Variants in AP2A2 observed in about 807,000 individuals in gnomAD.
AP2A2 encodes the protein adaptor related protein complex 2 subunit alpha 2.
In AP2A2, 32 loss-of-function variants were observed where a neutral mutation model predicts 104.2. The ratio of observed to expected loss-of-function variants is 0.31; its 90% CI spans 0.23 to 0.41. The LOEUF (loss-of-function observed/expected upper bound fraction) is 0.41. Ranked by LOEUF, AP2A2 falls within the 10% of genes least tolerant of loss-of-function variation. AP2A2 has a pLI of 1.00. For missense variants in AP2A2, 912 were observed against 1,261.0 expected, an observed-to-expected ratio of 0.72 and a Z score of 4.19; for synonymous variants, 539 against 533.3, an observed-to-expected ratio of 1.01 and a Z score of -0.15.
chr11:977,271 T>C (rs942013932), intron 5 of AP2A2, 47 bp downstream of exon 5: 1 of 1,539,264 alleles, frequency 6.5e-7, no homozygotes, highest in Non-Finnish European at 8.8e-7. Context: ...AGGTGACCTT[T>C]GGGATGGCCG....
At chr11:946,086 G>T (rs1444058455) in intron 1 of AP2A2, among the ~76,000 whole-genome samples, 1 of 152,190 alleles carries the variant, frequency 6.6e-6, no homozygotes, top group East Asian at 1.9e-4. Flanking sequence ...CATAAAAGCA[G>T]TGAAAACACT....
intron 15 of AP2A2, among the ~76,000 whole-genome samples, chr11:1,001,003 CT>C (rs1856013422): frequency 6.6e-6 from 1 of 152,224 alleles, no homozygotes; most frequent in Non-Finnish European, 1.5e-5. Flanking sequence ...CTTAAGCCGT[CT>C]TGTCTGTGTC....
At chr11:926,112 G>T (rs1853110593) in intron 1 of AP2A2, 24 bp downstream of exon 1, 1 of 1,256,744 alleles carries the variant, frequency 8.0e-7, no homozygotes, top group Non-Finnish European at 1.0e-6. Flanking sequence ...GCGGCGTGGG[G>T]CCGGGGCCGG....
chr11:1,009,256 G>A (rs895781650), intron 19 of AP2A2, 40 bp downstream of exon 19: 40 of 1,608,702 alleles, frequency 2.5e-5, no homozygotes, highest in African/African-American at 6.7e-5. Flanking sequence ...GGGTGGGGAC[G>A]GGGCTCATTT....
intron 9 of AP2A2, among the ~76,000 whole-genome samples, chr11:987,981 GTGTT>G (rs967520250): frequency 4.6e-5 from 7 of 152,282 alleles, no homozygotes; most frequent in African/African-American, 1.7e-4. Flanking sequence ...CCTGGTTTTG[GTGTT>G]TGTTTTAGTC....
At chr11:998,970 G>A (rs1379556377) in intron 14 of AP2A2, among the ~76,000 whole-genome samples, 2 of 152,174 alleles carry the variant, frequency 1.3e-5, no homozygotes, top group Non-Finnish European at 1.5e-5. Context: ...GGGATTACAG[G>A]TGTGAGCCAC....
At chr11:927,164 TC>T (rs1354762114) in intron 1 of AP2A2, among the ~76,000 whole-genome samples, 6 of 152,104 alleles carry the variant, frequency 3.9e-5, no homozygotes, top group Non-Finnish European at 7.4e-5. Flanking sequence ...CCTCAAGTGA[TC>T]CTACCACCTC....
chr11:930,122 A>G (rs1453215712), intron 1 of AP2A2, among the ~76,000 whole-genome samples: 4 of 121,110 alleles, frequency 3.3e-5, no homozygotes, highest in Non-Finnish European at 5.4e-5. Flanking sequence ...CTCTGTCTCA[A>G]AAAAAAAAAA....
intron 1 of AP2A2, among the ~76,000 whole-genome samples, chr11:939,635 G>A (rs1853577541): frequency 6.6e-6 from 1 of 152,010 alleles, no homozygotes; most frequent in Admixed American, 6.6e-5. Context: ...ATTAGAGACG[G>A]AGTTTCACCA....
chr11:971,749 G>A (rs889536184), intron 3 of AP2A2, among the ~76,000 whole-genome samples: 4 of 152,198 alleles, frequency 2.6e-5, no homozygotes, highest in Non-Finnish European at 4.4e-5. Flanking sequence ...ACACTCAGAC[G>A]CGTGGCCCAC....
intron 2 of AP2A2, among the ~76,000 whole-genome samples, chr11:961,633 T>C (rs1384547404): frequency 1.9e-3 from 96 of 49,488 alleles, no homozygotes; most frequent in Admixed American, 3.7e-3. Flanking sequence ...CTGACAGAGT[T>C]GCCACCAGTG....
chr11:962,732 C>CA lies in AP2A2; in HGVS notation c.136+3240dup, dbSNP rs879698220. On this transcript the variant is annotated intron_variant, in intron 2 of 21. Coordinates refer to ENST00000448903, the MANE Select transcript of AP2A2 (RefSeq NM_012305.4). ...TGGGAGACACAGCAAGACTCTGTCT[C>CA]AAAAAAAAAAAAATTTTGTTTTATA... is the stretch of plus-strand genomic sequence containing the variant. 1.3e-3 allele frequency among the ~76,000 whole-genome samples: 196 copies of CA among 146,098 alleles called. 1 individual carries two copies. The highest frequency in any genetic ancestry group is 3.9e-3 in the South Asian group (18 of 4,562).
rs1161658065 is a variant in AP2A2, at chr11:1,000,422, T to C, written c.1957-10T>C. 1 of 1,543,778 alleles carries C rather than the reference T, an allele frequency of 6.5e-7. No homozygotes were observed. The highest frequency in any genetic ancestry group is 8.7e-7 in the Non-Finnish European group (1 of 1,147,406). On this transcript the variant is annotated splice_polypyrimidine_tract_variant and intron_variant, in intron 14 of 21. Coordinates refer to ENST00000448903, the MANE Select transcript of AP2A2 (RefSeq NM_012305.4). Reference sequence around the variant, plus strand: ...GCTCTCTGCTGATGCTCTCCTTCCTTCTCTTCCAGTCTACGCCTTCTCCGT... The same window carrying C: ...GCTCTCTGCTGATGCTCTCCTTCCTCCTCTTCCAGTCTACGCCTTCTCCGT...
chr11:1,010,368 A>G lies in AP2A2; in HGVS notation c.2743-180A>G, dbSNP rs922323926. ...TACGTACGAGACGCCAGGCGCTCCCATGCCAGCCCTCAGTTTTCATGCTGA... is the reference window on the plus strand; with the variant it reads ...TACGTACGAGACGCCAGGCGCTCCCGTGCCAGCCCTCAGTTTTCATGCTGA... On this transcript the variant is annotated intron_variant, in intron 21 of 21. Coordinates refer to ENST00000448903, the MANE Select transcript of AP2A2 (RefSeq NM_012305.4). The G allele has an allele frequency of 1.5e-5, 9 of 602,262 alleles. No homozygotes were observed. In the African/African-American group the frequency reaches 1.7e-4, roughly 11 times the overall value. The allele number at this position is 602,262 out of a possible 1,614,324, so 37.3% of individuals were successfully genotyped here.
intron 4 of AP2A2, among the ~76,000 whole-genome samples, chr11:974,768 T>C (rs1186033619): frequency 1.3e-5 from 2 of 150,226 alleles, no homozygotes; most frequent in Non-Finnish European, 2.9e-5. Context: ...GGGCAGATCA[T>C]GAGTTCAAGA....
chr11:986,979 C>T, intron 9 of AP2A2, 26 bp downstream of exon 9: 1 of 1,555,788 alleles, frequency 6.4e-7, no homozygotes, highest in African/African-American at 1.4e-5. Context: ...TTGGGTTCTG[C>T]TCACTCCCTG....
In AP2A2 at chr11:977,238, G is replaced by A. The variant is rs776376498; in HGVS notation, c.603+14G>A. The A allele has an allele frequency of 1.3e-5, 20 of 1,573,598 alleles. No homozygotes were observed. The highest frequency in any genetic ancestry group is 1.7e-5 in the Non-Finnish European group (20 of 1,155,722). ...GACCAGCACTTGGTAAGCACCCTTG[G>A]CTTTGGTTCTCCCCGCTCCCCCAGG... On this transcript the variant is annotated intron_variant, in intron 5 of 21. Transcript: ENST00000448903.
At chr11:986,023 C>G (rs1030647271) in intron 8 of AP2A2, among the ~76,000 whole-genome samples, 1 of 152,262 alleles carries the variant, frequency 6.6e-6, no homozygotes, top group Non-Finnish European at 1.5e-5. Context: ...GGCGGTCGCT[C>G]CACACAGCCT....
intron 18 of AP2A2, 177 bp downstream of exon 18, chr11:1,008,312 C>T: frequency 1.0e-6 from 1 of 977,072 alleles, no homozygotes; most frequent in Admixed American, 3.6e-5. Context: ...GCGCAGGAAA[C>T]AAGGGGAGGC....
Sources: gnomAD v4.1 joint callset for allele counts (sites outside exome capture counted in the v4.1 genomes callset) on GRCh38, gnomAD v4.1.1 for gene constraint, MANE v1.5 for transcripts, NCBI Gene and HGNC (gene_info 2026-07-23, HGNC 2026-07-21) for gene names.